The following NTM variants were observed in gnomAD, a reference collection of about 807,000 sequenced individuals.
NTM encodes the protein IgLON family member 2.
NTM carries 13 observed loss-of-function variants against 42.1 expected under a neutral mutation model. The ratio of observed to expected loss-of-function variants is 0.31; its 90% CI spans 0.20 to 0.49. The LOEUF is 0.49. Among genes scored for constraint, NTM ranks in the 20% least tolerant of loss-of-function variants. The pLI is 0.99. For synonymous variants in NTM, 187 were observed against 179.2 expected (o/e 1.04, Z -0.35); for missense variants, 373 against 452.8 (o/e 0.82, Z 1.60).
intron 1 of NTM, among the ~76,000 whole-genome samples, chr11:131,862,041 T>G (rs1048324809): frequency 6.6e-6 from 1 of 152,192 alleles, no homozygotes; most frequent in African/African-American, 2.4e-5. Context: ...CAGTTCAGTT[T>G]AATATCAGCC....
chr11:132,272,002 T>C (rs1044931986), intron 4 of NTM, among the ~76,000 whole-genome samples: 1 of 152,152 alleles, frequency 6.6e-6, no homozygotes, highest in African/African-American at 2.4e-5. Context: ...TGTGTTTTCT[T>C]CTAAGAGTTA....
intron 1 of NTM, among the ~76,000 whole-genome samples, chr11:131,805,810 C>A (rs2092449192): frequency 1.3e-5 from 2 of 152,114 alleles, no homozygotes; most frequent in African/African-American, 4.8e-5. Flanking sequence ...TTCTTATATA[C>A]TTGTATTGCT....
Position 131,792,082 on chromosome 11 carries a change from C to G in NTM, c.83-119482C>G, listed in dbSNP as rs115373063. ...AATAACCTCCTTACCCTGATCTTTT[C>G]TGTTTTAAATAACTTTCAAATCCTT... On this transcript the variant is annotated intron_variant, in intron 1 of 8. Coordinates refer to ENST00000683400, the MANE Select transcript of NTM (RefSeq NM_001352005.2). Among the ~76,000 whole-genome samples, 372 of 152,212 alleles carry G rather than the reference C, an allele frequency of 2.4e-3. 1 individual carries two copies. Among genetic ancestry groups the G allele is most frequent in the African/African-American group, 8.7e-3 (360 of 41,546 alleles).
At chr11:132,154,949 G>A (rs952077462) in intron 3 of NTM, among the ~76,000 whole-genome samples, 3 of 152,124 alleles carry the variant, frequency 2.0e-5, no homozygotes, top group Non-Finnish European at 4.4e-5. Flanking sequence ...CAAAATCAGG[G>A]CAGTTTAATT....
chr11:132,161,626 C>T (rs1377581025), intron 3 of NTM, among the ~76,000 whole-genome samples: 3 of 151,964 alleles, frequency 2.0e-5, no homozygotes, highest in Non-Finnish European at 2.9e-5. Context: ...TTCCTCCCCC[C>T]AACTTTCTTT....
At chr11:131,717,357 T>A (rs1025182321) in intron 1 of NTM, among the ~76,000 whole-genome samples, 1 of 152,226 alleles carries the variant, frequency 6.6e-6, no homozygotes, top group Admixed American at 6.5e-5. Context: ...GTCTCATGAC[T>A]GATTAGTTTA....
chr11:131,968,744 A>C (rs1305669657), intron 2 of NTM, among the ~76,000 whole-genome samples: 1 of 152,014 alleles, frequency 6.6e-6, no homozygotes, highest in Non-Finnish European at 1.5e-5. Context: ...TTCCTTTTTC[A>C]CTTTTATAAT....
intron 2 of NTM, among the ~76,000 whole-genome samples, chr11:131,920,088 C>T (rs1418882660): frequency 2.0e-5 from 3 of 152,164 alleles, no homozygotes; most frequent in Admixed American, 6.5e-5. Flanking sequence ...ATGCATTTCC[C>T]ATCAGAAAAA....
intron 1 of NTM, among the ~76,000 whole-genome samples, chr11:131,756,311 C>T (rs990303978): frequency 2.6e-5 from 4 of 152,228 alleles, no homozygotes; most frequent in East Asian, 1.9e-4. Context: ...GCAGGCGGGG[C>T]GTGGTGACAC....
intron 1 of NTM, among the ~76,000 whole-genome samples, chr11:131,901,950 G>T (rs1198216665): frequency 6.6e-6 from 1 of 152,168 alleles, no homozygotes; most frequent in African/African-American, 2.4e-5. Context: ...AAAGCTTTAG[G>T]GAAATCATTT....
chr11:131,880,712 C>T (rs1236238152), intron 1 of NTM, among the ~76,000 whole-genome samples: 4 of 152,226 alleles, frequency 2.6e-5, no homozygotes, highest in Non-Finnish European at 4.4e-5. Flanking sequence ...TTGCCTCCGG[C>T]GTTCAATTTA....
intron 1 of NTM, among the ~76,000 whole-genome samples, chr11:131,778,793 G>A (rs894116549): frequency 2.3e-4 from 35 of 152,034 alleles, no homozygotes; most frequent in Non-Finnish European, 1.5e-5. Flanking sequence ...CTCTAAGATG[G>A]CATCCAAGAT....
At chr11:132,250,403 C>T (rs1280469784) in intron 4 of NTM, among the ~76,000 whole-genome samples, 1 of 152,106 alleles carries the variant, frequency 6.6e-6, no homozygotes, top group East Asian at 1.9e-4. Context: ...ATTCTGGAAT[C>T]TATGGATTAA....
intron 4 of NTM, among the ~76,000 whole-genome samples, chr11:132,245,615 C>G (rs527377534): frequency 6.6e-6 from 1 of 152,202 alleles, no homozygotes; most frequent in East Asian, 1.9e-4. Flanking sequence ...CCTTTCTGTA[C>G]GACGGCCTGC....
intron 1 of NTM, among the ~76,000 whole-genome samples, chr11:131,860,695 T>C (rs2046540594): frequency 6.6e-6 from 1 of 152,202 alleles, no homozygotes; most frequent in Non-Finnish European, 1.5e-5. Context: ...GGACCAACCA[T>C]GCAAGCAGGC....
At chr11:131,576,861 T>G (rs1472350239) in intron 1 of NTM, among the ~76,000 whole-genome samples, 1 of 152,208 alleles carries the variant, frequency 6.6e-6, no homozygotes, top group East Asian at 1.9e-4. Flanking sequence ...CTTCTTAATT[T>G]TTTTCCACAA....
chr11:132,287,371 G>A (rs1176893602), intron 4 of NTM, among the ~76,000 whole-genome samples: 2 of 152,172 alleles, frequency 1.3e-5, no homozygotes, highest in South Asian at 2.1e-4. Flanking sequence ...TGTTCTGTCT[G>A]CGTACGTTTC....
intron 3 of NTM, among the ~76,000 whole-genome samples, chr11:132,203,823 T>A (rs1263598568): frequency 6.6e-6 from 1 of 152,046 alleles, no homozygotes; most frequent in African/African-American, 2.4e-5. Context: ...GGCATGAACC[T>A]GGGAGGTGGA....
At chr11:131,637,171 A>T (rs1437486998) in intron 1 of NTM, among the ~76,000 whole-genome samples, 1 of 151,960 alleles carries the variant, frequency 6.6e-6, no homozygotes, top group Non-Finnish European at 1.5e-5. Flanking sequence ...CCCTTCCAAA[A>T]ATAAGTCCAG....
Sources: gnomAD v4.1 joint callset for allele counts (sites outside exome capture counted in the v4.1 genomes callset) on GRCh38, gnomAD v4.1.1 for gene constraint, MANE v1.5 for transcripts, NCBI Gene and HGNC (gene_info 2026-07-23, HGNC 2026-07-21) for gene names.